ZNRF2: variants seen among roughly 807,000 people sequenced by gnomAD.
ZNRF2 encodes the protein zinc and ring finger 2.
ZNRF2 carries 16 observed loss-of-function variants against 20.4 expected under a neutral mutation model. The ratio of observed to expected loss-of-function variants is 0.79; its 90% CI spans 0.53 to 1.19. ZNRF2 has a LOEUF of 1.19. Among genes scored for constraint, ZNRF2 ranks in the 50% most tolerant of loss-of-function variants. ZNRF2 has a pLI of 0.00. For missense variants in ZNRF2, 363 were observed against 332.4 expected, an observed-to-expected ratio of 1.09 and a Z score of -0.72; for synonymous variants, 178 against 144.9, an observed-to-expected ratio of 1.23 and a Z score of -1.64.
At chr7:30,356,774 C>T (rs956389945) in intron 3 of ZNRF2, among the ~76,000 whole-genome samples, 43 of 140,428 alleles carry the variant, frequency 3.1e-4, no homozygotes, top group Non-Finnish European at 5.4e-4. Flanking sequence ...GACGTGATCT[C>T]GGCTCACTGC....
intron 2 of ZNRF2, among the ~76,000 whole-genome samples, chr7:30,336,357 C>T (rs1799716422): frequency 6.6e-6 from 1 of 152,068 alleles, no homozygotes. Context: ...TTCTCAGCCA[C>T]TGAGTAGTTT....
intron 2 of ZNRF2, among the ~76,000 whole-genome samples, chr7:30,340,822 G>T (rs1258178821): frequency 6.6e-6 from 1 of 152,090 alleles, no homozygotes; most frequent in Non-Finnish European, 1.5e-5. Flanking sequence ...AATGGTACCA[G>T]CTCCTCTTTG....
intron 2 of ZNRF2, among the ~76,000 whole-genome samples, chr7:30,326,583 T>C (rs1329951669): frequency 6.6e-6 from 1 of 152,248 alleles, no homozygotes; most frequent in Non-Finnish European, 1.5e-5. Context: ...TTGTGAACAG[T>C]GCTGCAGTGA....
At chr7:30,311,892 A>G (rs958944259) in intron 1 of ZNRF2, among the ~76,000 whole-genome samples, 1 of 152,134 alleles carries the variant, frequency 6.6e-6, no homozygotes, top group Non-Finnish European at 1.5e-5. Flanking sequence ...GTAATCTGTT[A>G]ATGTATATTT....
chr7:30,328,421 C>G (rs1799585648), intron 2 of ZNRF2, among the ~76,000 whole-genome samples: 1 of 152,156 alleles, frequency 6.6e-6, no homozygotes, highest in Non-Finnish European at 1.5e-5. Context: ...ATTTAACTTA[C>G]ACTTTTGCAG....
chr7:30,361,749 C>A (rs1800130241), intron 3 of ZNRF2, among the ~76,000 whole-genome samples: 2 of 152,078 alleles, frequency 1.3e-5, no homozygotes, highest in South Asian at 4.1e-4. Flanking sequence ...TCTTAAATAA[C>A]CAGTGTGTGG....
intron 3 of ZNRF2, among the ~76,000 whole-genome samples, chr7:30,358,927 G>T (rs1024316662): frequency 6.6e-6 from 1 of 152,088 alleles, no homozygotes; most frequent in Admixed American, 6.5e-5. Context: ...CAACTTCATA[G>T]AGTATAAGGG....
At chr7:30,289,957 C>G in intron 1 of ZNRF2, 1 of 516,774 alleles carries the variant, frequency 1.9e-6, no homozygotes, top group East Asian at 5.5e-5. Flanking sequence ...TACCAAATAT[C>G]ATTAATGAGA....
chr7:30,328,072 G>T (rs1430238282), intron 2 of ZNRF2, among the ~76,000 whole-genome samples: 1 of 152,072 alleles, frequency 6.6e-6, no homozygotes. Context: ...ACAGAGAGGT[G>T]GCAGGTTAAT....
chr7:30,288,961 G>A (rs1321244396), intron 1 of ZNRF2: 1 of 152,140 alleles, frequency 6.6e-6, no homozygotes, highest in African/African-American at 2.4e-5. Flanking sequence ...AATATGAGTG[G>A]TCAAATAGCC....
At chr7:30,317,439 T>C (rs1027204313) in intron 1 of ZNRF2, among the ~76,000 whole-genome samples, 5 of 152,238 alleles carry the variant, frequency 3.3e-5, no homozygotes, top group African/African-American at 9.6e-5. Flanking sequence ...ATGGTGAGAC[T>C]TGATCTGGGC....
In ZNRF2 at chr7:30,289,772, G is replaced by A. The variant is rs150294863; in HGVS notation, c.469+3946G>A. Reference sequence around the variant, plus strand: ...GGGCATCACCTGATCTGAGAGCAGCGTGACCTAAGAACCTGGTATTTTGAT... The same window carrying A: ...GGGCATCACCTGATCTGAGAGCAGCATGACCTAAGAACCTGGTATTTTGAT... On this transcript the variant is annotated intron_variant, in intron 1 of 4. Coordinates refer to ENST00000323037, the MANE Select transcript of ZNRF2 (RefSeq NM_147128.4). 8.9e-3 allele frequency: 4,738 copies of A among 534,392 alleles called. 22 individuals are homozygous for A. Among genetic ancestry groups the A allele is most frequent in the Middle Eastern group, 0.013 (41 of 3,138 alleles). The allele number at this position is 534,392 out of a possible 1,614,324, so 33.1% of individuals were successfully genotyped here.
intron 2 of ZNRF2, among the ~76,000 whole-genome samples, chr7:30,335,973 C>CT (rs1799711055): frequency 6.6e-6 from 1 of 152,052 alleles, no homozygotes. Context: ...TGAAGGTTAG[C>CT]AGTGGAGTGA....
chr7:30,341,996 A>T (rs957707605), intron 2 of ZNRF2, among the ~76,000 whole-genome samples: 1 of 146,528 alleles, frequency 6.8e-6, no homozygotes, highest in Admixed American at 6.8e-5. Context: ...GTCTTTTTTG[A>T]TCTTTGTTGG....
intron 1 of ZNRF2, among the ~76,000 whole-genome samples, chr7:30,304,481 A>G (rs1396211137): frequency 6.6e-6 from 1 of 152,228 alleles, no homozygotes; most frequent in Non-Finnish European, 1.5e-5. Flanking sequence ...ATTAGTGTAA[A>G]TGCAAATTAT....
At chr7:30,338,066 A>G (rs899877603) in intron 2 of ZNRF2, among the ~76,000 whole-genome samples, 5 of 152,212 alleles carry the variant, frequency 3.3e-5, no homozygotes, top group South Asian at 4.1e-4. Context: ...ATTCTTTACA[A>G]TTGCCTTATA....
chr7:30,324,065 A>G (rs1799514729), intron 2 of ZNRF2, among the ~76,000 whole-genome samples: 1 of 152,214 alleles, frequency 6.6e-6, no homozygotes, highest in South Asian at 2.1e-4. Flanking sequence ...TAAATTTTCT[A>G]AGACAAAATA....
intron 2 of ZNRF2, among the ~76,000 whole-genome samples, chr7:30,338,517 CAT>C (rs1422538975): frequency 7.0e-6 from 1 of 143,426 alleles, no homozygotes; most frequent in Non-Finnish European, 1.5e-5. Flanking sequence ...TGAGTGAGAA[CAT>C]GTGGTGTTTG....
intron 2 of ZNRF2, among the ~76,000 whole-genome samples, chr7:30,349,218 C>T (rs1422652069): frequency 6.6e-6 from 1 of 152,070 alleles, no homozygotes; most frequent in Non-Finnish European, 1.5e-5. Context: ...TTATCACTTG[C>T]AATTTATTTT....
Sources: allele counts gnomAD v4.1 joint callset (sites outside exome capture counted in the v4.1 genomes callset), GRCh38; gene constraint gnomAD v4.1.1; transcripts MANE v1.5; gene names NCBI Gene and HGNC (gene_info 2026-07-23, HGNC 2026-07-21).